BRWD1: variants seen among roughly 807,000 people sequenced by gnomAD.
The protein encoded by BRWD1 is bromodomain and WD repeat-containing protein 1.
BRWD1 carries 82 observed loss-of-function variants against 251.2 expected under a neutral mutation model. The ratio of observed to expected loss-of-function variants is 0.33; its 90% CI spans 0.27 to 0.39. BRWD1 has a LOEUF of 0.39. Among genes scored for constraint, BRWD1 ranks in the 10% least tolerant of loss-of-function variants. BRWD1 has a pLI of 1.00. For missense variants in BRWD1, 2,233 were observed against 2,711.6 expected (o/e 0.82, Z 3.92); for synonymous variants, 918 against 902.8 (o/e 1.02, Z -0.30).
At position 39,188,726 on chromosome 21, in the gene BRWD1, A is replaced by C; in HGVS notation, c.*7533T>G. 1 of 985,418 alleles carries C rather than the reference A, an allele frequency of 1.0e-6. No individual in the cohort carries two copies. Among genetic ancestry groups the C allele is most frequent in the South Asian group, 4.7e-5 (1 of 21,292 alleles). The allele number at this position is 985,418 out of a possible 1,614,324, so 61.0% of individuals were successfully genotyped here. ...ACTGATTTCACACTTCTCTAAGATCAGTTGAGCGTTCTCCCCAGAATAGGT... is the reference window on the plus strand; with the variant it reads ...ACTGATTTCACACTTCTCTAAGATCCGTTGAGCGTTCTCCCCAGAATAGGT... On this transcript the variant is annotated 3_prime_UTR_variant, in exon 41 of 41. Coordinates refer to ENST00000342449, the MANE Select transcript of BRWD1 (RefSeq NM_033656.4).
Position 39,196,221 on chromosome 21 carries a change from G to C in BRWD1, c.*38C>G, listed in dbSNP as rs773185386. 2.6e-6 allele frequency: 4 copies of C among 1,516,082 alleles called. No individual in the cohort carries two copies. Among genetic ancestry groups the C allele is most frequent in the Non-Finnish European group, 3.5e-6 (4 of 1,136,788 alleles). The allele number at this position is 1,516,082 out of a possible 1,614,324, so 93.9% of individuals were successfully genotyped here. ...CAGCCAGCTTTCACCATAAATGCCA[G>C]TCCATTTCCTCTTAAATGAACTGGC... On this transcript the variant is annotated 3_prime_UTR_variant, in exon 41 of 41. Transcript: ENST00000342449.
intron 27 of BRWD1, among the ~76,000 whole-genome samples, chr21:39,228,058 G>A (rs1251298123): frequency 6.6e-6 from 1 of 152,188 alleles, no homozygotes; most frequent in African/African-American, 2.4e-5. Context: ...GGGAGGCAGA[G>A]GTGAGTGGAT....
At chr21:39,221,536 C>CA (rs759936575) in intron 29 of BRWD1, among the ~76,000 whole-genome samples, 250 of 151,250 alleles carry the variant, frequency 1.7e-3, no homozygotes, top group Non-Finnish European at 2.3e-3. Context: ...AGCAAAAAAA[C>CA]AAAAAAAATC....
Position 39,194,435 on chromosome 21 carries a change from T to C in BRWD1, c.*1824A>G, listed in dbSNP as rs2031706497. ...ATCCCATTAGTCTTTTCAGTCTTAG[T>C]CAAGGACAATTATCATGAATCAATC... is the stretch of plus-strand genomic sequence containing the variant. On this transcript the variant is annotated 3_prime_UTR_variant, in exon 41 of 41. Transcript: ENST00000342449. The C allele has an allele frequency of 7.8e-7, 1 of 1,282,784 alleles. No homozygotes were observed. Among genetic ancestry groups the C allele is most frequent in the Admixed American group, 3.8e-5 (1 of 26,362 alleles). The allele number at this position is 1,282,784 out of a possible 1,614,324, so 79.5% of individuals were successfully genotyped here.
In BRWD1 at chr21:39,311,651, A is replaced by C. The variant is rs573539774; in HGVS notation, c.198+1190T>G. On this transcript the variant is annotated intron_variant, in intron 4 of 40. Transcript: ENST00000342449. The stretch of plus-strand genomic sequence containing the variant: ...TGTTTCCTCAACGTTTACAAAAATA[A>C]ACTATCTCAAAATGTCAAACTCAAC... 1.1e-4 allele frequency among the ~76,000 whole-genome samples: 16 copies of C among 152,356 alleles called. No homozygotes were observed. In the East Asian group the frequency reaches 1.5e-3, roughly 15 times the overall value.
At chr21:39,261,676 C>T (rs757248258) in intron 17 of BRWD1, among the ~76,000 whole-genome samples, 3 of 151,594 alleles carry the variant, frequency 2.0e-5, no homozygotes, top group Non-Finnish European at 4.4e-5. Flanking sequence ...AATTTCTGCC[C>T]TAAAGCAACC....
chr21:39,266,841 G>C, intron 15 of BRWD1, among the ~76,000 whole-genome samples: 1 of 152,212 alleles, frequency 6.6e-6, no homozygotes, highest in Non-Finnish European at 1.5e-5. Context: ...GGAAATGTCA[G>C]TAAACAAGGC....
chr21:39,296,179 T>C (rs909421953), intron 6 of BRWD1, 86 bp downstream of exon 6: 19 of 1,141,946 alleles, frequency 1.7e-5, no homozygotes, highest in Non-Finnish European at 2.2e-5. Context: ...AGTATTTCCT[T>C]TTAAATTTTA....
intron 38 of BRWD1, among the ~76,000 whole-genome samples, chr21:39,200,780 G>A (rs2032069178): frequency 6.6e-6 from 1 of 152,150 alleles, no homozygotes. Flanking sequence ...GAGGCCAGGA[G>A]TTCAAAACTA....
Position 39,313,589 on chromosome 21 carries a change from G to GCGCCGCCGCCGC in BRWD1, c.-110_-99dup, listed in dbSNP as rs75090981. 3.6e-3 allele frequency: 2,364 copies of GCGCCGCCGCCGC among 650,186 alleles called. 18 individuals are homozygous for GCGCCGCCGCCGC. The highest frequency in any genetic ancestry group is 4.4e-3 in the Non-Finnish European group (2,018 of 462,328). 40.3% of individuals were successfully genotyped at this position (650,186 alleles called of 1,614,324 possible). ...GCTGGCGTCCCCTCTTCTCAGGCGCGCGCCGCCGCCGCCGCCGCCGCCGCC... is the reference window on the plus strand; with the variant it reads ...GCTGGCGTCCCCTCTTCTCAGGCGCGCGCCGCCGCCGCCGCCGCCGCCGCCGCCGCCGCCGCC... On this transcript the variant is annotated 5_prime_UTR_variant, in exon 1 of 41. Coordinates refer to ENST00000342449, the MANE Select transcript of BRWD1 (RefSeq NM_033656.4).
chr21:39,189,495 T>C lies in BRWD1; in HGVS notation c.*6764A>G. On this transcript the variant is annotated 3_prime_UTR_variant, in exon 41 of 41. Transcript: ENST00000342449. ...TAAGATTCTGCAGGAAAAAAAAAAC[T>C]AAAATCAGGTTTTTAAAAAATACTT... is the stretch of plus-strand genomic sequence containing the variant. The C allele has an allele frequency of 1.0e-6, 1 of 972,240 alleles. No individual in the cohort carries two copies. The highest frequency in any genetic ancestry group is 1.2e-6 in the Non-Finnish European group (1 of 818,360). 60.2% of individuals were successfully genotyped at this position (972,240 alleles called of 1,614,324 possible). A position where few individuals can be genotyped will look rare whatever the true frequency, so the allele number is the denominator to read the frequency against.
Position 39,258,602 on chromosome 21 carries a change from C to A in BRWD1, c.1956G>T (p.Ser652=). The A allele has an allele frequency of 6.2e-7, 1 of 1,613,098 alleles. No homozygotes were observed. ...GTCTTATCATTCCATCAAGAATACT[C>A]GATTCTGGGCTGCGTTCATCATTAT... is the stretch of plus-strand genomic sequence containing the variant. The part of the protein sequence containing the change: ...TNDNDERSPE[S]SILDGMIRQL... Residue 652 remains serine (S), a synonymous_variant, in exon 18 of 41, where the codon TCG becomes TCT. Transcript: ENST00000342449.
intron 15 of BRWD1, among the ~76,000 whole-genome samples, chr21:39,268,218 C>T (rs549503181): frequency 6.6e-6 from 1 of 152,068 alleles, no homozygotes; most frequent in South Asian, 2.1e-4. Context: ...GGCGGGTGAT[C>T]ACTTGAAGTC....
At chr21:39,278,656 G>T in intron 10 of BRWD1, 87 bp downstream of exon 10, 2 of 923,180 alleles carry the variant, frequency 2.2e-6, no homozygotes, top group Non-Finnish European at 3.2e-6. Flanking sequence ...TTACCATGTA[G>T]CTAATAAAAG....
chr21:39,297,366 C>G, intron 5 of BRWD1: 3 of 985,400 alleles, frequency 3.0e-6, no homozygotes, highest in Non-Finnish European at 3.6e-6. Context: ...CAGTACAAAA[C>G]AAACAGAGAA....
chr21:39,252,542 T>C (rs992843455), intron 19 of BRWD1, among the ~76,000 whole-genome samples: 4 of 152,216 alleles, frequency 2.6e-5, no homozygotes, highest in Admixed American at 2.6e-4. Flanking sequence ...GTTTCCACTA[T>C]TGGAACTGTT....
upstream of BRWD1, among the ~76,000 whole-genome samples, chr21:39,318,781 G>A (rs187836181): frequency 2.5e-4 from 38 of 152,130 alleles, no homozygotes. Flanking sequence ...ACCATGCCTG[G>A]CTAATTTTTT....
At chr21:39,297,419 G>A (rs1411997380) in intron 5 of BRWD1, 5 of 985,026 alleles carry the variant, frequency 5.1e-6, no homozygotes, top group Non-Finnish European at 2.4e-6. Flanking sequence ...CTCTTCTAAG[G>A]TCTGGCCAGT....
chr21:39,264,769 GA>G (rs778204983), intron 16 of BRWD1, 84 bp from the exon 17 acceptor site: 12 of 1,498,090 alleles, frequency 8.0e-6, no homozygotes, highest in Non-Finnish European at 9.1e-6. Flanking sequence ...ATTAAAACTA[GA>G]AAAACAAGGA....
Sources: gnomAD v4.1 joint callset for allele counts (sites outside exome capture counted in the v4.1 genomes callset) on GRCh38, gnomAD v4.1.1 for gene constraint, MANE v1.5 for transcripts, NCBI Gene and HGNC (gene_info 2026-07-23, HGNC 2026-07-21) for gene names.